Variants in GFI1B observed in about 807,000 individuals in gnomAD.
The protein encoded by GFI1B is zinc finger protein Gfi-1b.
Under a neutral mutation model 35.3 loss-of-function variants are expected in GFI1B, and 20 were observed. The observed-to-expected ratio is 0.57, with a 90% CI of 0.40 to 0.82. The LOEUF is 0.82. Among genes scored for constraint, GFI1B ranks in the 40% least tolerant of loss-of-function variants. The pLI is 0.00. For missense variants in GFI1B, 430 were observed against 446.3 expected (o/e 0.96, Z 0.33); for synonymous variants, 178 against 177.6 (o/e 1.00, Z -0.02).
At chr9:132,957,521 A>G (rs562062827) in intron 1 of GFI1B, among the ~76,000 whole-genome samples, 2 of 152,236 alleles carry the variant, frequency 1.3e-5, no homozygotes, top group African/African-American at 2.4e-5. Context: ...GCATGGGGGA[A>G]CTCAGTAGTG....
chr9:132,990,298 CTCATTCATTTGCTCATTCATTTGTTCAG>C (rs1478029296), intron 6 of GFI1B, among the ~76,000 whole-genome samples: 1 of 148,860 alleles, frequency 6.7e-6, no homozygotes, highest in Non-Finnish European at 1.5e-5. Flanking sequence ...CATTTGTTCA[CTCATTCATTTGCTCATTCATTTGTTCAG>C]TCATTCATTC....
intron 1 of GFI1B, among the ~76,000 whole-genome samples, chr9:132,962,220 C>T (rs1333169123): frequency 6.6e-6 from 1 of 151,606 alleles, no homozygotes; most frequent in Non-Finnish European, 1.5e-5. Context: ...TTTCTGCAAC[C>T]TCCACCTCCT....
intron 1 of GFI1B, among the ~76,000 whole-genome samples, chr9:132,985,850 A>T (rs1231942864): frequency 6.6e-6 from 1 of 152,090 alleles, no homozygotes; most frequent in Non-Finnish European, 1.5e-5. Context: ...AGCTCAGACC[A>T]CCCGTTTCTA....
At chr9:132,986,818 G>A (rs766157676) in intron 2 of GFI1B, 40 bp downstream of exon 2, 1 of 1,244,798 alleles carries the variant, frequency 8.0e-7, no homozygotes, top group Non-Finnish European at 1.2e-6. Context: ...GCACCCACGG[G>A]GGGCTCTCTG....
intron 1 of GFI1B, among the ~76,000 whole-genome samples, chr9:132,960,330 G>A (rs1213506526): frequency 2.6e-5 from 4 of 152,126 alleles, no homozygotes; most frequent in African/African-American, 9.7e-5. Context: ...TAGGGAATAG[G>A]AGGCAAGAAA....
chr9:132,976,144 C>T (rs772553350), upstream of GFI1B, among the ~76,000 whole-genome samples: 3 of 152,100 alleles, frequency 2.0e-5, no homozygotes, highest in Non-Finnish European at 2.9e-5. Context: ...CTGATACAGC[C>T]GCTTCCTATT....
chr9:132,969,522 T>A (rs1848501723), intron 1 of GFI1B, among the ~76,000 whole-genome samples: 1 of 152,230 alleles, frequency 6.6e-6, no homozygotes, highest in Non-Finnish European at 1.5e-5. Flanking sequence ...ACATTCCATG[T>A]ATGCATTCAT....
chr9:132,983,523 C>G (rs1457595963), intron 1 of GFI1B, among the ~76,000 whole-genome samples: 1 of 152,108 alleles, frequency 6.6e-6, no homozygotes, highest in South Asian at 2.1e-4. Context: ...GCCCCAGCAC[C>G]CTGCATTTCC....
intron 1 of GFI1B, among the ~76,000 whole-genome samples, chr9:132,947,592 T>G (rs1355245258): frequency 6.6e-6 from 1 of 151,840 alleles, no homozygotes; most frequent in African/African-American, 2.4e-5. Flanking sequence ...GTAGATGGCT[T>G]GAGGTCAGGA....
intron 1 of GFI1B, among the ~76,000 whole-genome samples, chr9:132,967,800 CA>C (rs1848471197): frequency 6.6e-6 from 1 of 151,724 alleles, no homozygotes; most frequent in Non-Finnish European, 1.5e-5. Context: ...CTTTTTTTCT[CA>C]GATGGACTCT....
In GFI1B at chr9:132,988,530, C is replaced by G. The variant is rs947519808; in HGVS notation, c.510+62C>G. The stretch of plus-strand genomic sequence containing the variant: ...CCTCTCCGCACTCCCTCTCAACTCA[C>G]TGGCAGCTCTGGGCGTTCTCTGTGC... On this transcript the variant is annotated intron_variant, in intron 4 of 6. Transcript: ENST00000372122. 6 of 1,464,162 alleles carry G rather than the reference C, an allele frequency of 4.1e-6. No individual in the cohort carries two copies. In the Admixed American group the frequency reaches 8.7e-5, roughly 21 times the overall value. 90.7% of individuals were successfully genotyped at this position (1,464,162 alleles called of 1,614,324 possible). A position where few individuals can be genotyped will look rare whatever the true frequency, so the allele number is the denominator to read the frequency against.
At chr9:132,975,258 T>C (rs559419389), upstream of GFI1B, 2 of 152,352 alleles carry the variant, frequency 1.3e-5, no homozygotes, top group South Asian at 4.1e-4. Flanking sequence ...TCCTGATCTT[T>C]GTTCTTTTTC....
chr9:132,964,353 C>T (rs1018381846), intron 1 of GFI1B, among the ~76,000 whole-genome samples: 1 of 152,044 alleles, frequency 6.6e-6, no homozygotes, highest in African/African-American at 2.4e-5. Flanking sequence ...CACTACTATG[C>T]AATCTATGCA....
chr9:132,946,026 T>C (rs1363619587), intron 1 of GFI1B, among the ~76,000 whole-genome samples: 2 of 152,178 alleles, frequency 1.3e-5, no homozygotes, highest in Admixed American at 1.3e-4. Flanking sequence ...CTAGTCAGTA[T>C]AGGGCCTTGG....
At chr9:132,961,879 C>T (rs2132596281) in intron 1 of GFI1B, among the ~76,000 whole-genome samples, 1 of 152,170 alleles carries the variant, frequency 6.6e-6, no homozygotes, top group South Asian at 2.1e-4. Context: ...GTGAGAGCCA[C>T]CGCACCCGGC....
Position 132,987,281 on chromosome 9 carries a change from G to A in GFI1B, c.101-1G>A. The A allele has an allele frequency of 6.2e-7, 1 of 1,613,866 alleles. No homozygotes were observed. Among genetic ancestry groups the A allele is most frequent in the Non-Finnish European group, 8.5e-7 (1 of 1,179,900 alleles). ...ATGCTGATGGTCCTATCTCCCCACAGTGCCCAGAGACCAGGCTCCAAGCAA... is the reference window on the plus strand; with the variant it reads ...ATGCTGATGGTCCTATCTCCCCACAATGCCCAGAGACCAGGCTCCAAGCAA... On this transcript the variant is annotated splice_acceptor_variant, in intron 2 of 6. Coordinates refer to ENST00000372122, the MANE Select transcript of GFI1B (RefSeq NM_001377304.1). LOFTEE classifies it high-confidence loss of function.
intron 4 of GFI1B, among the ~76,000 whole-genome samples, chr9:132,988,780 A>G (rs117682281): frequency 0.015 from 2,262 of 152,246 alleles, 25 homozygotes; most frequent in Non-Finnish European, 0.023. Context: ...GCCAACTCCC[A>G]GCTCTTAACC....
chr9:132,975,388 C>T (rs1050785830), upstream of GFI1B, among the ~76,000 whole-genome samples: 1 of 152,168 alleles, frequency 6.6e-6, no homozygotes, highest in African/African-American at 2.4e-5. Context: ...GCTCTTAGCA[C>T]AATGCTGTTC....
In GFI1B at chr9:132,980,154, C is replaced by T. The variant is rs115135450; in HGVS notation, c.-21+1313C>T. 5.1e-3 allele frequency among the ~76,000 whole-genome samples: 744 copies of T among 147,042 alleles called. 8 individuals carry two copies. The highest frequency in any genetic ancestry group is 0.017 in the African/African-American group (711 of 40,790). Reference sequence around the variant, plus strand: ...AACATTGGAGAGCTATACCTGGTTTCGGTTTGATTAATGGAATCACTCAAA... The same window carrying T: ...AACATTGGAGAGCTATACCTGGTTTTGGTTTGATTAATGGAATCACTCAAA... On this transcript the variant is annotated intron_variant, in intron 1 of 6. Coordinates refer to ENST00000372122, the MANE Select transcript of GFI1B (RefSeq NM_001377304.1).
Sources: allele counts gnomAD v4.1 joint callset (sites outside exome capture counted in the v4.1 genomes callset), GRCh38; gene constraint gnomAD v4.1.1; transcripts MANE v1.5; gene names NCBI Gene and HGNC (gene_info 2026-07-23, HGNC 2026-07-21).